The following PLCXD1 variants were observed in gnomAD, a reference collection of about 807,000 sequenced individuals.
The protein encoded by PLCXD1 is PI-PLC X domain-containing protein 1.
A neutral mutation model predicts 37.8 loss-of-function variants in PLCXD1; 45 were observed. That is an observed-to-expected ratio of 1.19 (90% CI 0.94 to 1.53). The LOEUF (loss-of-function observed/expected upper bound fraction) is 1.53. PLCXD1 is among the 40% of genes most tolerant of loss of function. The pLI is 0.00. For synonymous variants in PLCXD1, 246 were observed against 206.9 expected, an observed-to-expected ratio of 1.19 and a Z score of -1.62; for missense variants, 539 against 454.7, an observed-to-expected ratio of 1.19 and a Z score of -1.69.
At chrX:277,239 G>A (rs1360717636), upstream of PLCXD1, among the ~76,000 whole-genome samples, 4 of 147,458 alleles carry the variant, frequency 2.7e-5, no homozygotes, top group Non-Finnish European at 4.5e-5. Context: ...AGGGGACTTG[G>A]GATGTGAGGG....
rs994490875 is a variant in PLCXD1, at chrX:281,584, G to A, written c.-122G>A. The A allele has an allele frequency of 2.6e-5, 4 of 152,252 alleles. No individual in the cohort carries two copies. The highest frequency in any genetic ancestry group is 9.7e-5 in the African/African-American group (4 of 41,432). The allele number at this position is 152,252 out of a possible 1,614,324, so 9.4% of individuals were successfully genotyped here. Reference sequence around the variant, plus strand: ...AGCCGCCAGGAGCTGCAGACCGAGAGGATCTCGTCCTTTCTTGCGGCCCAG... The same window carrying A: ...AGCCGCCAGGAGCTGCAGACCGAGAAGATCTCGTCCTTTCTTGCGGCCCAG... On this transcript the variant is annotated 5_prime_UTR_variant, in exon 1 of 7. Transcript: ENST00000381657.
intron 6 of PLCXD1, among the ~76,000 whole-genome samples, chrX:296,874 T>C (rs1230090841): frequency 8.1e-5 from 12 of 148,802 alleles, no homozygotes; most frequent in Admixed American, 2.7e-4. Flanking sequence ...GGGACATTAT[T>C]CTGTCTCCCA....
chrX:296,119 GTTTGT>G lies in PLCXD1; in HGVS notation c.733+2915_733+2919del, dbSNP rs762946957. Among the ~76,000 whole-genome samples, 394 of 149,776 alleles carry G rather than the reference GTTTGT, an allele frequency of 2.6e-3. 1 individual carries two copies. Among genetic ancestry groups the G allele is most frequent in the African/African-American group, 8.8e-3 (356 of 40,640 alleles). ...GAGCCACTGTGCCCGGCCTTTTTTT[GTTTGT>G]TTTGTTTTGTTTTTGAGACAGAGTC... On this transcript the variant is annotated intron_variant, in intron 6 of 6. Transcript: ENST00000381657.
chrX:291,107 A>G (rs2069619972), intron 4 of PLCXD1, among the ~76,000 whole-genome samples: 3 of 151,032 alleles, frequency 2.0e-5, no homozygotes, highest in Non-Finnish European at 4.4e-5. Flanking sequence ...CAGACAGGAG[A>G]CACTGACCCC....
At chrX:283,626 C>CCAGGCCCGGGTGGGGGCGGCCTTTGTGT (rs2069349611) in intron 1 of PLCXD1, 1 of 78,528 alleles carries the variant, frequency 1.3e-5, no homozygotes, top group Non-Finnish European at 2.6e-5. Flanking sequence ...GGCCGTGTTG[C>CCAGGCCCGGGTGGGGGCGGCCTTTGTGT]CAGGCCCGGG....
chrX:287,289 A>G (rs1211096088), intron 2 of PLCXD1, among the ~76,000 whole-genome samples: 1 of 145,984 alleles, frequency 6.9e-6, no homozygotes, highest in Non-Finnish European at 1.5e-5. Context: ...ATATATTTAT[A>G]TAAATATATG....
At chrX:282,222 A>G (rs1208039087) in intron 1 of PLCXD1, among the ~76,000 whole-genome samples, 1 of 152,192 alleles carries the variant, frequency 6.6e-6, no homozygotes, top group East Asian at 1.9e-4. Flanking sequence ...ATGATTAAAA[A>G]TCTTACATAC....
chrX:290,931 G>A, intron 4 of PLCXD1, 155 bp downstream of exon 4: 2 of 385,114 alleles, frequency 5.2e-6, no homozygotes, highest in East Asian at 4.6e-5. Flanking sequence ...GAAGCAAGGG[G>A]GACAGCGGGA....
chrX:280,002 G>C (rs1343528519), upstream of PLCXD1, among the ~76,000 whole-genome samples: 1 of 152,030 alleles, frequency 6.6e-6, no homozygotes, highest in Admixed American at 6.6e-5. Context: ...GCGCGCGCCA[G>C]CACGGCTAAA....
upstream of PLCXD1, among the ~76,000 whole-genome samples, chrX:278,261 G>C (rs2069194323): frequency 6.6e-6 from 1 of 151,866 alleles, no homozygotes; most frequent in Non-Finnish European, 1.5e-5. Flanking sequence ...GGGAGGGACT[G>C]TGACGGGGGA....
Position 301,160 on chromosome X carries a change from A to AC in PLCXD1, c.*1830dup, listed in dbSNP as rs1384076494. 2 of 151,956 alleles carry AC rather than the reference A, an allele frequency of 1.3e-5. No homozygotes were observed. Among genetic ancestry groups the AC allele is most frequent in the Non-Finnish European group, 2.9e-5 (2 of 68,106 alleles). The allele number at this position is 151,956 out of a possible 1,614,324, so 9.4% of individuals were successfully genotyped here. ...CGTGTAGCTGGGGCTCCAGGGACACACCCCCACTGCTGGCTAATTTTTGTA... is the reference window on the plus strand; with the variant it reads ...CGTGTAGCTGGGGCTCCAGGGACACACCCCCCACTGCTGGCTAATTTTTGTA... On this transcript the variant is annotated 3_prime_UTR_variant, in exon 7 of 7. Coordinates refer to ENST00000381657, the MANE Select transcript of PLCXD1 (RefSeq NM_018390.4).
chrX:279,928 C>T (rs1028673737), upstream of PLCXD1, among the ~76,000 whole-genome samples: 5 of 152,146 alleles, frequency 3.3e-5, no homozygotes, highest in Non-Finnish European at 7.4e-5. Flanking sequence ...CGGCTCACTG[C>T]AACCTCCGCC....
intron 3 of PLCXD1, 100 bp downstream of exon 3, chrX:288,969 T>C (rs2069543998): frequency 8.7e-7 from 1 of 1,154,800 alleles, no homozygotes; most frequent in African/African-American, 1.5e-5. Context: ...AGGGTTTGAG[T>C]GGTGCCCTGT....
At chrX:287,454 TTATATATAGAATATATA>T (rs2069485448) in intron 2 of PLCXD1, among the ~76,000 whole-genome samples, 1 of 129,766 alleles carries the variant, frequency 7.7e-6, no homozygotes, top group Admixed American at 7.9e-5. Context: ...CTATATATGT[TTATATATAGAATATATA>T]CTATATATGT....
rs1342813090 is a variant in PLCXD1 at position 295,980 on chromosome X, A to C, written c.733+2762A>C. Among the ~76,000 whole-genome samples the C allele has an allele frequency of 2.0e-5, 3 of 148,856 alleles. No homozygotes were observed. In the South Asian group the frequency reaches 6.4e-4, roughly 32 times the overall value. ...CTCAGCCTCCCACCACGCCCGGCTA[A>C]TTTTTATTTTTAGTAGAGATGGGGT... On this transcript the variant is annotated intron_variant, in intron 6 of 6. Transcript: ENST00000381657.
At position 299,104 on chromosome X, in the gene PLCXD1, G is replaced by A. The variant is rs2069909285; in HGVS notation, c.741G>A (p.Leu247=). ...CCACCCTCACCGTTGCAGGAGGGTT[G>A]TTCGTGGCCGGCATCAACCTCACGG... ...TMKSCGRPGG[L]FVAGINLTEN... Residue 247 remains leucine, a synonymous_variant, in exon 7 of 7, where the codon TTG becomes TTA. Transcript: ENST00000381657. 6.2e-7 allele frequency: 1 copy of A among 1,613,478 alleles called. No individual in the cohort carries two copies. Among genetic ancestry groups the A allele is most frequent in the African/African-American group, 1.3e-5 (1 of 74,910 alleles).
At chrX:285,455 C>T (rs1183723335) in intron 2 of PLCXD1, among the ~76,000 whole-genome samples, 5 of 152,106 alleles carry the variant, frequency 3.3e-5, no homozygotes, top group African/African-American at 9.7e-5. Flanking sequence ...CACAGACACA[C>T]GTGCACACAT....
chrX:301,471 G>C lies in PLCXD1; in HGVS notation c.*2136G>C, dbSNP rs1212211877. Reference sequence around the variant, plus strand: ...AATTTTTTTTGTAGAGATGGGGTCTGGCTCTGTTGCTCAGGCTGGTGTGTA... The same window carrying C: ...AATTTTTTTTGTAGAGATGGGGTCTCGCTCTGTTGCTCAGGCTGGTGTGTA... On this transcript the variant is annotated 3_prime_UTR_variant, in exon 7 of 7. Transcript: ENST00000381657. 1.3e-5 allele frequency: 2 copies of C among 152,032 alleles called. No homozygotes were observed. The highest frequency in any genetic ancestry group is 1.5e-5 in the Non-Finnish European group (1 of 68,088). The allele number at this position is 152,032 out of a possible 1,614,324, so 9.4% of individuals were successfully genotyped here. A position where few individuals can be genotyped will look rare whatever the true frequency, so the allele number is the denominator to read the frequency against.
chrX:291,516 C>T lies in PLCXD1; in HGVS notation c.411C>T (p.Ile137=). Residue 137 remains isoleucine (I), a synonymous_variant, in exon 5 of 7, where the codon ATC becomes ATT. Coordinates refer to ENST00000381657, the MANE Select transcript of PLCXD1 (RefSeq NM_018390.4). ...CTCCCCAGGACACACTCACGGAAAT[C>T]TCGGAGTGGCTGGAGCGGCATCCAC... is the stretch of plus-strand genomic sequence containing the variant. ...TALVEDTLTE[I]SEWLERHPRE... is the part of the protein sequence containing the mutation. 1 of 1,612,806 alleles carries T rather than the reference C, an allele frequency of 6.2e-7. No individual in the cohort carries two copies.
Sources: gnomAD v4.1 joint callset for allele counts (sites outside exome capture counted in the v4.1 genomes callset) on GRCh38, gnomAD v4.1.1 for gene constraint, MANE v1.5 for transcripts, NCBI Gene and HGNC (gene_info 2026-07-23, HGNC 2026-07-21) for gene names.